The following MSRA variants were observed in gnomAD, a reference collection of about 807,000 sequenced individuals.
The protein encoded by MSRA is mitochondrial peptide methionine sulfoxide reductase.
Under a neutral mutation model 31.3 loss-of-function variants are expected in MSRA, and 54 were observed. The observed-to-expected ratio is 1.73, with a 90% confidence interval of 1.39 to 2.17. The LOEUF (loss-of-function observed/expected upper bound fraction) is 2.17. Among genes scored for constraint, MSRA ranks in the 30% most tolerant of loss-of-function variants. MSRA has a pLI of 0.00. For missense variants in MSRA, 507 were observed against 300.9 expected, an observed-to-expected ratio of 1.69 and a Z score of -5.07; for synonymous variants, 169 against 116.5, an observed-to-expected ratio of 1.45 and a Z score of -2.90.
intron 1 of MSRA, among the ~76,000 whole-genome samples, chr8:10,183,041 C>A (rs1806682485): frequency 6.6e-6 from 1 of 152,182 alleles, no homozygotes; most frequent in Non-Finnish European, 1.5e-5. Context: ...ACCTCACCTG[C>A]CTATAACATT....
intron 1 of MSRA, among the ~76,000 whole-genome samples, chr8:10,124,073 G>A (rs1413656382): frequency 1.3e-5 from 2 of 152,000 alleles, no homozygotes; most frequent in Non-Finnish European, 2.9e-5. Context: ...TTCTGGTGTG[G>A]GTGGGGCTGC....
intron 1 of MSRA, among the ~76,000 whole-genome samples, chr8:10,145,503 C>T (rs1373542997): frequency 1.3e-5 from 2 of 152,182 alleles, no homozygotes; most frequent in African/African-American, 4.8e-5. Context: ...AATTCATTTT[C>T]TACTGCCCGG....
In MSRA at chr8:10,335,820, A is replaced by C. The variant is rs1331756119; in HGVS notation, c.543+15831A>C. Among the ~76,000 whole-genome samples, 3 of 152,174 alleles carry C rather than the reference A, an allele frequency of 2.0e-5. No individual in the cohort carries two copies. The East Asian group carries it at 5.8e-4, about 29-fold the overall frequency. The stretch of plus-strand genomic sequence containing the variant: ...TGGGAGTGCAGAAAGCACTTTCACA[A>C]ACATTCTCTCCTCTGCTTCTCATAA... On this transcript the variant is annotated intron_variant, in intron 5 of 5. Coordinates refer to ENST00000317173, the MANE Select transcript of MSRA (RefSeq NM_012331.5).
chr8:10,305,606 G>T (rs183598481), intron 4 of MSRA, among the ~76,000 whole-genome samples: 21 of 152,148 alleles, frequency 1.4e-4, no homozygotes, highest in African/African-American at 5.1e-4. Flanking sequence ...TAGAGATGGG[G>T]TTTCACCATG....
intron 5 of MSRA, among the ~76,000 whole-genome samples, chr8:10,381,153 C>G (rs1470350134): frequency 1.3e-5 from 2 of 152,142 alleles, no homozygotes; most frequent in Non-Finnish European, 2.9e-5. Context: ...AGTGGTCTCT[C>G]CCAAACCTTT....
At chr8:10,298,936 A>G (rs1395915979) in intron 3 of MSRA, among the ~76,000 whole-genome samples, 4 of 152,160 alleles carry the variant, frequency 2.6e-5, no homozygotes, top group African/African-American at 9.7e-5. Flanking sequence ...AATCAAGGTA[A>G]ATGAGCGTCT....
At chr8:10,388,397 T>G (rs1175679267) in intron 5 of MSRA, among the ~76,000 whole-genome samples, 1 of 152,204 alleles carries the variant, frequency 6.6e-6, no homozygotes, top group African/African-American at 2.4e-5. Context: ...AGATGTAAAA[T>G]TTCCCTTACG....
intron 1 of MSRA, among the ~76,000 whole-genome samples, chr8:10,139,665 G>C (rs942645794): frequency 9.9e-5 from 15 of 152,234 alleles, no homozygotes; most frequent in African/African-American, 3.4e-4. Context: ...ATGGCCACCA[G>C]TTCTATTCAT....
intron 4 of MSRA, among the ~76,000 whole-genome samples, chr8:10,305,570 C>T (rs1179818402): frequency 6.6e-6 from 1 of 152,104 alleles, no homozygotes; most frequent in Non-Finnish European, 1.5e-5. Flanking sequence ...TCCGCCACCA[C>T]ACCCAGCTAA....
intron 3 of MSRA, among the ~76,000 whole-genome samples, chr8:10,291,930 G>A (rs552790377): frequency 1.3e-5 from 2 of 152,288 alleles, no homozygotes; most frequent in South Asian, 4.1e-4. Context: ...CACAAGGGTT[G>A]TTTGTTGTCA....
intron 5 of MSRA, among the ~76,000 whole-genome samples, chr8:10,379,407 C>G (rs1012392843): frequency 5.9e-5 from 9 of 152,242 alleles, no homozygotes; most frequent in Non-Finnish European, 1.3e-4. Context: ...GAACCCGAGT[C>G]TTTTCTCATT....
chr8:10,221,205 A>T (rs1003466012), intron 2 of MSRA, among the ~76,000 whole-genome samples: 1 of 152,182 alleles, frequency 6.6e-6, no homozygotes, highest in African/African-American at 2.4e-5. Flanking sequence ...GTCTGCAGTG[A>T]TGCATAAGAA....
At chr8:10,264,069 T>C (rs1479061520) in intron 3 of MSRA, among the ~76,000 whole-genome samples, 1 of 152,214 alleles carries the variant, frequency 6.6e-6, no homozygotes, top group Non-Finnish European at 1.5e-5. Context: ...AAGCTAATGA[T>C]TTATTTCAAC....
At chr8:10,070,647 A>T (rs936150892) in intron 1 of MSRA, among the ~76,000 whole-genome samples, 2 of 152,108 alleles carry the variant, frequency 1.3e-5, no homozygotes, top group Non-Finnish European at 2.9e-5. Context: ...AGCCACATTG[A>T]CCTTCTTCCT....
At chr8:10,200,718 A>G (rs1808417608) in intron 1 of MSRA, among the ~76,000 whole-genome samples, 1 of 151,962 alleles carries the variant, frequency 6.6e-6, no homozygotes, top group Admixed American at 6.6e-5. Flanking sequence ...GGCAAAACCC[A>G]CTCTTGGTTA....
At position 10,400,378 on chromosome 8, in the gene MSRA, T is replaced by TGTGTGTA. The variant is rs1554551506; in HGVS notation, c.544-27754_544-27748dup. 3.0e-3 allele frequency among the ~76,000 whole-genome samples: 330 copies of TGTGTGTA among 110,138 alleles called. 4 individuals are homozygous for TGTGTGTA. Among genetic ancestry groups the TGTGTGTA allele is most frequent in the African/African-American group, 7.0e-3 (241 of 34,578 alleles). 72.3% of individuals were successfully genotyped at this position (110,138 alleles called of 152,430 possible). A position where few individuals can be genotyped will look rare whatever the true frequency, so the allele number is the denominator to read the frequency against. On this transcript the variant is annotated intron_variant, in intron 5 of 5. Transcript: ENST00000317173. ...TTCAGGCTCTGTGTGTGTGTGTGTG[T>TGTGTGTA]GTGTGTAGTGTGTAGTGTGTAGGGA...
intron 5 of MSRA, among the ~76,000 whole-genome samples, chr8:10,379,536 C>G (rs990834092): frequency 6.6e-5 from 10 of 152,188 alleles, no homozygotes; most frequent in African/African-American, 2.4e-4. Flanking sequence ...GGTCTCCCAG[C>G]AGGAAGGCCA....
At chr8:10,312,143 C>T (rs1054422447) in intron 4 of MSRA, among the ~76,000 whole-genome samples, 2 of 151,952 alleles carry the variant, frequency 1.3e-5, no homozygotes, top group African/African-American at 2.4e-5. Flanking sequence ...ACAAATTCAA[C>T]CCAAACAGTA....
At chr8:10,139,263 T>C (rs1733203107) in intron 1 of MSRA, among the ~76,000 whole-genome samples, 1 of 152,210 alleles carries the variant, frequency 6.6e-6, no homozygotes, top group South Asian at 2.1e-4. Context: ...CTGTGAATAA[T>C]AAAAGCACTG....
Sources: gnomAD v4.1 joint callset for allele counts (sites outside exome capture counted in the v4.1 genomes callset) on GRCh38, gnomAD v4.1.1 for gene constraint, MANE v1.5 for transcripts, NCBI Gene and HGNC (gene_info 2026-07-23, HGNC 2026-07-21) for gene names.